Variants in KCNQ5 observed in about 807,000 individuals in gnomAD.
The protein encoded by KCNQ5 is potassium voltage-gated channel subfamily Q member 5, also known as potassium voltage-gated channel subfamily KQT member 5.
KCNQ5 carries 30 observed loss-of-function variants against 98.2 expected under a neutral mutation model. The observed-to-expected ratio is 0.31, with a 90% confidence interval of 0.23 to 0.41. The LOEUF (loss-of-function observed/expected upper bound fraction) is 0.41, where lower values mean the gene tolerates loss of function less well. Ranked by LOEUF, KCNQ5 falls within the 10% of genes least tolerant of loss-of-function variation. The pLI is 1.00. For missense variants in KCNQ5, 835 were observed against 1,182.5 expected, an observed-to-expected ratio of 0.71 and a Z score of 4.31; for synonymous variants, 458 against 449.4, an observed-to-expected ratio of 1.02 and a Z score of -0.24.
chr6:72,963,309 C>A (rs1040481605), intron 1 of KCNQ5, among the ~76,000 whole-genome samples: 9 of 152,150 alleles, frequency 5.9e-5, no homozygotes, highest in African/African-American at 2.2e-4. Flanking sequence ...ACATGGGCTG[C>A]ATATACGGAA....
chr6:72,652,134 A>C (rs1168517404), intron 1 of KCNQ5, among the ~76,000 whole-genome samples: 2 of 151,902 alleles, frequency 1.3e-5, no homozygotes, highest in Non-Finnish European at 2.9e-5. Flanking sequence ...ACACCACATC[A>C]TATGTAAATT....
At chr6:72,735,052 C>G (rs1399838367) in intron 1 of KCNQ5, among the ~76,000 whole-genome samples, 7 of 152,302 alleles carry the variant, frequency 4.6e-5, no homozygotes. Context: ...GAAGAGAAGT[C>G]AAGTGACTAC....
At chr6:72,736,461 TTAACA>T (rs925831131) in intron 1 of KCNQ5, among the ~76,000 whole-genome samples, 58 of 151,714 alleles carry the variant, frequency 3.8e-4, no homozygotes, top group African/African-American at 1.2e-3. Context: ...AAGTGTAGAA[TTAACA>T]TAATATAAAT....
intron 1 of KCNQ5, among the ~76,000 whole-genome samples, chr6:72,636,275 A>G (rs1305246279): frequency 2.6e-5 from 4 of 152,178 alleles, no homozygotes; most frequent in Non-Finnish European, 5.9e-5. Flanking sequence ...TGTTATAATC[A>G]TTAGGAGTTT....
intron 1 of KCNQ5, among the ~76,000 whole-genome samples, chr6:72,879,449 G>C (rs1355000079): frequency 6.6e-6 from 1 of 151,790 alleles, no homozygotes. Flanking sequence ...CCATATCCTT[G>C]CCCATTTCTG....
At chr6:72,766,736 A>G (rs1772593019) in intron 1 of KCNQ5, among the ~76,000 whole-genome samples, 1 of 151,962 alleles carries the variant, frequency 6.6e-6, no homozygotes, top group Non-Finnish European at 1.5e-5. Flanking sequence ...ATGAGAGGGA[A>G]AAATATGGTA....
At chr6:73,194,326 G>A (rs1251626892) in intron 13 of KCNQ5, 126 bp from the exon 14 acceptor site, 37 of 813,436 alleles carry the variant, frequency 4.5e-5, no homozygotes, top group Non-Finnish European at 6.1e-5. Flanking sequence ...AGACTGCATC[G>A]TACTTTATAT....
intron 5 of KCNQ5, among the ~76,000 whole-genome samples, chr6:73,101,704 A>T (rs1411148348): frequency 6.6e-6 from 1 of 152,168 alleles, no homozygotes; most frequent in African/African-American, 2.4e-5. Flanking sequence ...GAAGTGAAAG[A>T]TCTCTACAAA....
chr6:73,157,985 C>A (rs1777436544), intron 10 of KCNQ5: 9 of 752,486 alleles, frequency 1.2e-5, no homozygotes, highest in Non-Finnish European at 2.0e-5. Flanking sequence ...ACCCCTTGAA[C>A]GGCCGGAAGA....
At chr6:72,719,015 T>C (rs1260019484) in intron 1 of KCNQ5, among the ~76,000 whole-genome samples, 2 of 152,240 alleles carry the variant, frequency 1.3e-5, no homozygotes. Flanking sequence ...TATTTATATT[T>C]AGCATTTATT....
At chr6:73,182,399 C>T (rs1366748345) in intron 11 of KCNQ5, among the ~76,000 whole-genome samples, 3 of 152,110 alleles carry the variant, frequency 2.0e-5, no homozygotes, top group Non-Finnish European at 4.4e-5. Context: ...TCTGGGCTTG[C>T]TCCCAGCTGT....
chr6:73,173,454 T>C (rs184454938), intron 11 of KCNQ5, among the ~76,000 whole-genome samples: 10 of 152,326 alleles, frequency 6.6e-5, no homozygotes, highest in Admixed American at 5.9e-4. Flanking sequence ...AGATCACCCA[T>C]TTTTCTATCA....
rs77629794 is a variant in KCNQ5 at position 72,926,034 on chromosome 6, T to C, written c.399-77874T>C. Among the ~76,000 whole-genome samples the C allele has an allele frequency of 5.9e-3, 896 of 152,178 alleles. 11 individuals carry two copies. Among genetic ancestry groups the C allele is most frequent in the African/African-American group, 0.021 (872 of 41,542 alleles). On this transcript the variant is annotated intron_variant, in intron 1 of 13. Coordinates refer to ENST00000370398, the MANE Select transcript of KCNQ5 (RefSeq NM_019842.4). ...AAACGACATAAGAATGAGAGAAAAA[T>C]AGCAGAGAGCCAGAAGAGGCTGCAT...
chr6:72,679,697 C>G (rs1162334413), intron 1 of KCNQ5, among the ~76,000 whole-genome samples: 1 of 151,738 alleles, frequency 6.6e-6, no homozygotes, highest in African/African-American at 2.4e-5. Context: ...ACATTGTACA[C>G]ATGCACCCTA....
In KCNQ5 at chr6:72,883,106, A is replaced by G. The variant is rs79213772; in HGVS notation, c.399-120802A>G. Among the ~76,000 whole-genome samples the G allele has an allele frequency of 3.7e-3, 566 of 152,312 alleles. 4 individuals carry two copies. The highest frequency in any genetic ancestry group is 6.0e-3 in the Non-Finnish European group (406 of 68,020). On this transcript the variant is annotated intron_variant, in intron 1 of 13. Coordinates refer to ENST00000370398, the MANE Select transcript of KCNQ5 (RefSeq NM_019842.4). ...ATAGTTGTGAACCTTATGTTCACCA[A>G]TCTTCTTGCTTTATTCTTAAGAGGT...
intron 10 of KCNQ5, among the ~76,000 whole-genome samples, chr6:73,147,246 C>A (rs1036488351): frequency 1.3e-5 from 2 of 151,892 alleles, no homozygotes; most frequent in Non-Finnish European, 2.9e-5. Flanking sequence ...GTACAATGCC[C>A]AGCACAGAAT....
chr6:72,714,489 C>A (rs1457214634), intron 1 of KCNQ5, among the ~76,000 whole-genome samples: 1 of 152,130 alleles, frequency 6.6e-6, no homozygotes, highest in Non-Finnish European at 1.5e-5. Flanking sequence ...TAACACATCC[C>A]ATGCAATATT....
chr6:72,823,355 C>T (rs1891397), intron 1 of KCNQ5, among the ~76,000 whole-genome samples: 147,606 of 152,182 alleles, frequency 0.97, 71,746 homozygotes, highest in East Asian at 1. Context: ...CTTCTTTACA[C>T]TGATTATATG....
At chr6:72,842,798 CTGTTTATAT>C (rs1776856416) in intron 1 of KCNQ5, among the ~76,000 whole-genome samples, 1 of 152,034 alleles carries the variant, frequency 6.6e-6, no homozygotes, top group South Asian at 2.1e-4. Context: ...TGAGAAGTGT[CTGTTTATAT>C]CTTTTGCCCA....
Sources: allele counts gnomAD v4.1 joint callset (sites outside exome capture counted in the v4.1 genomes callset), GRCh38; gene constraint gnomAD v4.1.1; transcripts MANE v1.5; gene names NCBI Gene and HGNC (gene_info 2026-07-23, HGNC 2026-07-21).